The following ZDBF2 variants were observed in gnomAD, a reference collection of about 807,000 sequenced individuals.
The protein encoded by ZDBF2 is DBF4-type zinc finger-containing protein 2.
ZDBF2 carries 6 observed loss-of-function variants against 9.4 expected under a neutral mutation model. The observed-to-expected ratio is 0.64, with a 90% CI of 0.35 to 1.27. ZDBF2 has a LOEUF of 1.27. ZDBF2 is among the 50% of genes most tolerant of loss of function. ZDBF2 has a pLI of 0.03. For synonymous variants in ZDBF2, 905 were observed against 946.3 expected (o/e 0.96, Z 0.80); for missense variants, 2,697 against 2,766.8 (o/e 0.97, Z 0.57).
Position 206,307,219 on chromosome 2 carries a change from A to T in ZDBF2, c.2691A>T (p.Gln897His). The T allele has an allele frequency of 6.2e-7, 1 of 1,611,744 alleles. No homozygotes were observed. The highest frequency in any genetic ancestry group is 2.2e-5 in the East Asian group (1 of 44,864). ...TAGCTGTTAAAAAGCTAAATCCTCA[A>T]AAAGAAGAGCAGGTACACTTAGAAA... ...PEVAVKKLNPQKEEQVHLENK... is the reference protein window; with the variant it reads ...PEVAVKKLNPHKEEQVHLENK... The change falls in exon 5 of 5, where the codon CAA becomes CAT. Residue 897 changes from glutamine (Q) to histidine (H), a missense_variant. Physicochemically the swap from Gln to His is conservative, Grantham distance 24 (BLOSUM62 0). Transcript: ENST00000374423.
chr2:206,311,615 T>A lies in ZDBF2; in HGVS notation c.*22T>A, dbSNP rs747484148. 3 of 1,458,076 alleles carry A rather than the reference T, an allele frequency of 2.1e-6. No individual in the cohort carries two copies. Among genetic ancestry groups the A allele is most frequent in the Non-Finnish European group, 1.8e-6 (2 of 1,103,580 alleles). The allele number at this position is 1,458,076 out of a possible 1,614,324, so 90.3% of individuals were successfully genotyped here. A position where few individuals can be genotyped will look rare whatever the true frequency, so the allele number is the denominator to read the frequency against. ...ATAGAAGTTGGTTTTGTGTTCAGGCTAGTTGAGGATTCAGTACTTCAGTTG... is the reference window on the plus strand; with the variant it reads ...ATAGAAGTTGGTTTTGTGTTCAGGCAAGTTGAGGATTCAGTACTTCAGTTG... On this transcript the variant is annotated 3_prime_UTR_variant, in exon 5 of 5. Coordinates refer to ENST00000374423, the MANE Select transcript of ZDBF2 (RefSeq NM_020923.3).
chr2:206,308,398 T>C lies in ZDBF2; in HGVS notation c.3870T>C (p.His1290=). 6.2e-7 allele frequency: 1 copy of C among 1,613,090 alleles called. No individual in the cohort carries two copies. Among genetic ancestry groups the C allele is most frequent in the Non-Finnish European group, 8.5e-7 (1 of 1,179,658 alleles). The stretch of plus-strand genomic sequence containing the variant: ...ATTCCAGAATAAATTTTGATTCTCA[T>C]GAACCCCTTCAGTCCGTAACTAATA... ...PTDSRINFDS[H]EPLQSVTNKI... is the part of the protein sequence containing the mutation. The change falls in exon 5 of 5, where the codon CAT becomes CAC. Residue 1290 remains histidine, a synonymous_variant. Transcript: ENST00000374423.
rs529083766 is a variant in ZDBF2, at chr2:206,301,840, T to A, written c.189-2877T>A. Among the ~76,000 whole-genome samples, 12 of 152,246 alleles carry A rather than the reference T, an allele frequency of 7.9e-5. No individual in the cohort carries two copies. In the South Asian group the frequency reaches 2.3e-3, roughly 29 times the overall value. ...TGGGGGCAATTTGGTTGTTATCTTT[T>A]TCGTCTTAAATTGGGTGCCCAGTTG... On this transcript the variant is annotated intron_variant, in intron 4 of 4. Coordinates refer to ENST00000374423, the MANE Select transcript of ZDBF2 (RefSeq NM_020923.3).
Position 206,309,290 on chromosome 2 carries a change from G to A in ZDBF2, c.4762G>A (p.Ala1588Thr). ...TTCTGAAGTCAGATGTAATTGTAAA[G>A]CCTCTACTCCCTCAATGACAAACCA... ...FGSEVRCNCK[A>T]STPSMTNQCK... Residue 1588 changes from alanine to threonine, a missense_variant, in exon 5 of 5, where the codon GCC becomes ACC. Transcript: ENST00000374423. The A allele has an allele frequency of 1.2e-6, 2 of 1,612,200 alleles. No individual in the cohort carries two copies. The highest frequency in any genetic ancestry group is 1.7e-6 in the Non-Finnish European group (2 of 1,179,156).
rs1400225392 is a variant in ZDBF2 at position 206,310,989 on chromosome 2, ATGT to A, written c.6465_6467del (p.Val2156del). 3.1e-6 allele frequency: 5 copies of A among 1,613,296 alleles called. No homozygotes were observed. The South Asian group carries it at 3.3e-5, about 11-fold the overall frequency. On this transcript the variant is annotated inframe_deletion, in exon 5 of 5. Transcript: ENST00000374423. ...TTCCAGCTAACATTTTTAAATCATG[ATGT>A]TGTCAAAATCTCTCCAAAATCAGTT...
intron 4 of ZDBF2, among the ~76,000 whole-genome samples, chr2:206,299,408 C>T (rs1300671057): frequency 2.0e-5 from 3 of 151,834 alleles, no homozygotes; most frequent in Non-Finnish European, 4.4e-5. Flanking sequence ...CGGTGGCTCA[C>T]GCCTGTAATC....
chr2:206,277,690 T>C (rs1275942708), intron 1 of ZDBF2, among the ~76,000 whole-genome samples: 5 of 151,056 alleles, frequency 3.3e-5, no homozygotes, highest in African/African-American at 1.2e-4. Flanking sequence ...ACGATGTTGT[T>C]TGTGAAAAGA....
At chr2:206,304,669 T>C (rs1172098922) in intron 4 of ZDBF2, 48 bp from the exon 5 acceptor site, 2 of 1,537,232 alleles carry the variant, frequency 1.3e-6, no homozygotes, top group Non-Finnish European at 1.7e-6. Flanking sequence ...TTTAATATTT[T>C]AAACAGACAT....
chr2:206,304,461 A>G (rs1190531515), intron 4 of ZDBF2, among the ~76,000 whole-genome samples: 2 of 152,126 alleles, frequency 1.3e-5, no homozygotes, highest in African/African-American at 2.4e-5. Context: ...GAAAAATAAT[A>G]TATGATTTTA....
chr2:206,294,821 T>C (rs1466300631), intron 3 of ZDBF2, among the ~76,000 whole-genome samples: 1 of 152,220 alleles, frequency 6.6e-6, no homozygotes, highest in Non-Finnish European at 1.5e-5. Context: ...GCAAATGACA[T>C]GATCTCATTT....
chr2:206,311,018 A>T lies in ZDBF2; in HGVS notation c.6490A>T (p.Arg2164Ter). 1 of 1,610,496 alleles carries T rather than the reference A, an allele frequency of 6.2e-7. No homozygotes were observed. The highest frequency in any genetic ancestry group is 1.1e-5 in the South Asian group (1 of 89,942). The change falls in exon 5 of 5, where the codon AGA (arginine) becomes TGA (stop). Residue 2164 changes from arginine (R) to a stop codon, truncating the protein, a stop_gained. Transcript: ENST00000374423. LOFTEE classifies it low-confidence loss of function (END_TRUNC). ...TGTCAAAATCTCTCCAAAATCAGTT[A>T]GAAATAAGCTTTTGGAAAGTCAAAG... ...DVVKISPKSV[R>*]NKLLESQSKK...
At position 206,306,169 on chromosome 2, in the gene ZDBF2, G is replaced by A. The variant is rs754830129; in HGVS notation, c.1641G>A (p.Gln547=). 2.5e-6 allele frequency: 4 copies of A among 1,613,758 alleles called. No homozygotes were observed. Among genetic ancestry groups the A allele is most frequent in the East Asian group, 2.2e-5 (1 of 44,876 alleles). ...EVSADSVFPL[Q]SVVDRPPVAV... ...GTGCTGATTCTGTTTTCCCACTGCA[G>A]TCAGTGGTTGACAGACCCCCAGTGG... is the stretch of plus-strand genomic sequence containing the variant. The change falls in exon 5 of 5, where the codon CAG becomes CAA. Residue 547 remains glutamine, a synonymous_variant. Coordinates refer to ENST00000374423, the MANE Select transcript of ZDBF2 (RefSeq NM_020923.3).
At chr2:206,282,828 C>A (rs1306626979) in intron 3 of ZDBF2, among the ~76,000 whole-genome samples, 2 of 152,160 alleles carry the variant, frequency 1.3e-5, no homozygotes, top group Non-Finnish European at 2.9e-5. Flanking sequence ...ATTTTAATCA[C>A]CCTAAAAGGA....
intron 4 of ZDBF2, among the ~76,000 whole-genome samples, chr2:206,300,712 A>AT (rs1370448801): frequency 6.6e-6 from 1 of 152,126 alleles, no homozygotes; most frequent in Non-Finnish European, 1.5e-5. Context: ...TTCTTATCTT[A>AT]CTTTTGCCCA....
In ZDBF2 at chr2:206,309,375, C is replaced by A. The variant is rs375453691; in HGVS notation, c.4847C>A (p.Pro1616Gln). ...AAGGACTATATTATTCTGGGAGAGC[C>A]AAGTTGTCAATCTTGTGGTTCTGAA... is the stretch of plus-strand genomic sequence containing the variant. The part of the protein sequence containing the change: ...RKKDYIILGE[P>Q]SCQSCGSEMN... The change falls in exon 5 of 5, where the codon CCA becomes CAA. Residue 1616 changes from proline (P) to glutamine (Q), a missense_variant. Transcript: ENST00000374423. 6.2e-7 allele frequency: 1 copy of A among 1,613,390 alleles called. No homozygotes were observed. Among genetic ancestry groups the A allele is most frequent in the African/African-American group, 1.3e-5 (1 of 74,870 alleles).
At chr2:206,279,076 A>G (rs1174914019) in intron 1 of ZDBF2, among the ~76,000 whole-genome samples, 9 of 152,324 alleles carry the variant, frequency 5.9e-5, no homozygotes, top group Admixed American at 1.3e-4. Flanking sequence ...GCCTACAACA[A>G]TGCGGAGGAA....
rs1207944423 is a variant in ZDBF2, at chr2:206,306,571, A to G, written c.2043A>G (p.Gln681=). ...ATGCTCAATTAGCTGACCAGTCTCA[A>G]GTAGCCGAAATAGAGCGTCAGAAAG... The part of the protein sequence containing the change: ...QADAQLADQS[Q]VAEIERQKVD... Residue 681 remains glutamine (Q), a synonymous_variant, in exon 5 of 5, where the codon CAA becomes CAG. Coordinates refer to ENST00000374423, the MANE Select transcript of ZDBF2 (RefSeq NM_020923.3). 1 of 1,613,714 alleles carries G rather than the reference A, an allele frequency of 6.2e-7. No homozygotes were observed. The highest frequency in any genetic ancestry group is 1.1e-5 in the South Asian group (1 of 91,072).
At chr2:206,285,703 T>C (rs1410026208) in intron 3 of ZDBF2, among the ~76,000 whole-genome samples, 3 of 152,212 alleles carry the variant, frequency 2.0e-5, no homozygotes, top group Non-Finnish European at 4.4e-5. Context: ...TTCGAGGTCT[T>C]TTCCGTAAAA....
Position 206,311,085 on chromosome 2 carries a change from A to G in ZDBF2, c.6557A>G (p.Asn2186Ser). 6.2e-7 allele frequency: 1 copy of G among 1,613,246 alleles called. No individual in the cohort carries two copies. The highest frequency in any genetic ancestry group is 8.5e-7 in the Non-Finnish European group (1 of 1,179,742). Residue 2186 changes from asparagine to serine, a missense_variant, in exon 5 of 5, where the codon AAT (asparagine) becomes AGT (serine). Around this residue, in one of 3 missense-constraint regions of ZDBF2, gnomAD observed 1,783 missense variants for 1,776.5 expected, o/e 1.00. Transcript: ENST00000374423. Reference protein sequence around the residue: ...IHGKRVTTSSNKLGFPKKVYK... With the variant: ...IHGKRVTTSSSKLGFPKKVYK... ...GGAAAGAGGGTGACAACTAGTAGTA[A>G]TAAGCTAGGTTTTCCCAAAAAGGTT...
Sources: gnomAD v4.1 joint callset for allele counts (sites outside exome capture counted in the v4.1 genomes callset) on GRCh38, gnomAD v4.1.1 for gene constraint, gnomAD v4.1.1 regional missense constraint, MANE v1.5 for transcripts, NCBI Gene and HGNC (gene_info 2026-07-23, HGNC 2026-07-21) for gene names.